Variants in RIMS2 observed in about 807,000 individuals in gnomAD.
The protein encoded by RIMS2 is regulating synaptic membrane exocytosis protein 2.
In RIMS2, 59 loss-of-function variants were observed where a neutral mutation model predicts 174.4. That is an observed-to-expected ratio of 0.34 (90% CI 0.27 to 0.42). The LOEUF (loss-of-function observed/expected upper bound fraction) is 0.42, where lower values mean the gene tolerates loss of function less well. RIMS2 is among the 10% of genes least tolerant of loss of function. The pLI, the probability that RIMS2 is intolerant of heterozygous loss-of-function variation, is 1.00. For synonymous variants in RIMS2, 606 were observed against 572.5 expected, an observed-to-expected ratio of 1.06 and a Z score of -0.84; for missense variants, 1,620 against 1,666.3, an observed-to-expected ratio of 0.97 and a Z score of 0.48.
At chr8:103,609,510 C>T (rs1397629651) in intron 1 of RIMS2, among the ~76,000 whole-genome samples, 1 of 152,178 alleles carries the variant, frequency 6.6e-6, no homozygotes, top group Admixed American at 6.5e-5. Context: ...ACTCTTTAAT[C>T]CATCTTGAGT....
intron 1 of RIMS2, among the ~76,000 whole-genome samples, chr8:103,671,242 G>A (rs1025233088): frequency 6.6e-6 from 1 of 152,052 alleles, no homozygotes; most frequent in Non-Finnish European, 1.5e-5. Context: ...CTCCCAAAAC[G>A]TGGGAATTAT....
exon 24 of RIMS2, chr8:104,251,827 T>C: frequency 7.6e-7 from 1 of 1,323,682 alleles, no homozygotes; most frequent in Admixed American, 2.6e-5. Flanking sequence ...ATAGCAGCTG[T>C]AAAAAAATTG....
At chr8:103,937,279 T>C (rs2081488097) in intron 13 of RIMS2, among the ~76,000 whole-genome samples, 1 of 152,202 alleles carries the variant, frequency 6.6e-6, no homozygotes. Context: ...TGTCAGTTCT[T>C]ATTTTAGAAC....
At chr8:103,927,316 CT>C (rs1408255776) in intron 10 of RIMS2, among the ~76,000 whole-genome samples, 1 of 151,344 alleles carries the variant, frequency 6.6e-6, no homozygotes, top group African/African-American at 2.4e-5. Context: ...TGTGTTTATT[CT>C]TTTAAGAAAT....
intron 1 of RIMS2, among the ~76,000 whole-genome samples, chr8:103,618,033 A>G (rs1264785470): frequency 2.6e-5 from 4 of 152,202 alleles, no homozygotes; most frequent in Non-Finnish European, 5.9e-5. Flanking sequence ...AGACACAGGT[A>G]TGCAAATGTT....
chr8:104,179,205 T>C (rs187030479), intron 19 of RIMS2, among the ~76,000 whole-genome samples: 1 of 152,194 alleles, frequency 6.6e-6, no homozygotes, highest in Admixed American at 6.6e-5. Flanking sequence ...AATAGATGTC[T>C]CCTATGAATT....
At chr8:104,112,078 A>G (rs1490185815) in intron 19 of RIMS2, among the ~76,000 whole-genome samples, 1 of 152,190 alleles carries the variant, frequency 6.6e-6, no homozygotes, top group Non-Finnish European at 1.5e-5. Context: ...TATTTCCACT[A>G]TTAATTGGAA....
chr8:103,600,103 C>CA (rs2094654536), intron 1 of RIMS2, among the ~76,000 whole-genome samples: 7 of 151,996 alleles, frequency 4.6e-5, no homozygotes, highest in African/African-American at 9.7e-5. Flanking sequence ...CAAATTTTTA[C>CA]TTCCCACAAA....
chr8:103,588,402 A>C (rs898772119), intron 1 of RIMS2, among the ~76,000 whole-genome samples: 5 of 152,084 alleles, frequency 3.3e-5, no homozygotes, highest in African/African-American at 9.6e-5. Context: ...CAGAAATAGA[A>C]TATTATCCTA....
chr8:104,206,458 A>G (rs1459811332), intron 19 of RIMS2, among the ~76,000 whole-genome samples: 3 of 152,220 alleles, frequency 2.0e-5, no homozygotes, highest in Non-Finnish European at 4.4e-5. Context: ...GCCTTGGATC[A>G]GTGTCAGAAG....
chr8:103,915,717 T>C, intron 7 of RIMS2, 123 bp downstream of exon 10: 1 of 461,890 alleles, frequency 2.2e-6, no homozygotes, highest in East Asian at 3.3e-5. Context: ...GATATAAATC[T>C]CTATTCATTA....
rs371043587 is a variant in RIMS2, at chr8:103,899,629, G to A, written c.1625-10505G>A. Among the ~76,000 whole-genome samples, 42 of 151,338 alleles carry A rather than the reference G, an allele frequency of 2.8e-4. 1 individual carries two copies. Among genetic ancestry groups the A allele is most frequent in the African/African-American group, 7.6e-4 (31 of 40,810 alleles). On this transcript the variant is annotated intron_variant, in intron 4 of 23. Coordinates refer to ENST00000504942, the Ensembl canonical transcript of RIMS2. ...AGATTCTGGATATTAGCCCTTTGTC[G>A]TATGGGTAGATTGCAAAAATTTTCT...
At chr8:103,898,804 A>G (rs1339387183) in intron 4 of RIMS2, among the ~76,000 whole-genome samples, 1 of 151,326 alleles carries the variant, frequency 6.6e-6, no homozygotes, top group Non-Finnish European at 1.5e-5. Flanking sequence ...TACATGTGCC[A>G]TGTTGGTGTG....
intron 19 of RIMS2, among the ~76,000 whole-genome samples, chr8:104,231,606 C>T (rs2099229476): frequency 6.6e-6 from 1 of 152,190 alleles, no homozygotes; most frequent in East Asian, 1.9e-4. Flanking sequence ...GAAATACTGG[C>T]TCCACCTCTT....
At chr8:103,975,174 A>G (rs2093309892) in intron 15 of RIMS2, among the ~76,000 whole-genome samples, 176 bp from the exon 18 acceptor site, 1 of 152,078 alleles carries the variant, frequency 6.6e-6, no homozygotes, top group African/African-American at 2.4e-5. Context: ...TTCCTTTTTA[A>G]TTTCTGTTTT....
intron 1 of RIMS2, among the ~76,000 whole-genome samples, chr8:103,580,424 A>C (rs1265952737): frequency 6.9e-6 from 1 of 145,288 alleles, no homozygotes; most frequent in African/African-American, 2.5e-5. Flanking sequence ...AAGACTGTAA[A>C]AACAAAGACT....
At chr8:103,636,784 CCG>C (rs2096086706) in intron 1 of RIMS2, among the ~76,000 whole-genome samples, 2 of 55,330 alleles carry the variant, frequency 3.6e-5, no homozygotes, top group South Asian at 6.7e-4. Context: ...TAACCCACCC[CCG>C]CACCCCCCCC....
intron 1 of RIMS2, among the ~76,000 whole-genome samples, chr8:103,510,181 A>G (rs903676289): frequency 1.3e-5 from 2 of 152,166 alleles, no homozygotes; most frequent in African/African-American, 4.8e-5. Context: ...GGGGAAAAGG[A>G]TACACTAAAC....
At chr8:103,585,884 T>C (rs575263080) in intron 1 of RIMS2, among the ~76,000 whole-genome samples, 1 of 149,678 alleles carries the variant, frequency 6.7e-6, no homozygotes, top group African/African-American at 2.5e-5. Flanking sequence ...ATCCCAGAAC[T>C]TAAAGAAAAA....
Sources: gnomAD v4.1 joint callset for allele counts (sites outside exome capture counted in the v4.1 genomes callset) on GRCh38, gnomAD v4.1.1 for gene constraint, MANE v1.5 for transcripts, NCBI Gene and HGNC (gene_info 2026-07-23, HGNC 2026-07-21) for gene names.